The following PRDM15 variants were observed in gnomAD, a reference collection of about 807,000 sequenced individuals.
PRDM15 encodes PR domain zinc finger protein 15.
Under a neutral mutation model 128.6 loss-of-function variants are expected in PRDM15, and 64 were observed. The observed-to-expected ratio is 0.50, with a 90% CI of 0.41 to 0.61. The LOEUF (loss-of-function observed/expected upper bound fraction) is 0.61. PRDM15 is among the 20% of genes least tolerant of loss of function. PRDM15 has a pLI of 0.00. For synonymous variants in PRDM15, 615 were observed against 621.8 expected (o/e 0.99, Z 0.16); for missense variants, 1,242 against 1,569.1 (o/e 0.79, Z 3.52).
At chr21:41,852,472 TCC>T (rs1048665493) in intron 5 of PRDM15, among the ~76,000 whole-genome samples, 10 of 152,358 alleles carry the variant, frequency 6.6e-5, no homozygotes, top group Non-Finnish European at 1.3e-4. Context: ...CACAGGGGCC[TCC>T]CTTGTGCTGG....
chr21:41,847,247 A>C, intron 5 of PRDM15, 56 bp from the exon 6 acceptor site: 4 of 1,261,774 alleles, frequency 3.2e-6, no homozygotes, highest in Non-Finnish European at 4.4e-6. Flanking sequence ...ATATGTCTCC[A>C]TGAATCCCGG....
intron 5 of PRDM15, among the ~76,000 whole-genome samples, chr21:41,851,883 G>A (rs1194939057): frequency 1.3e-5 from 2 of 152,176 alleles, no homozygotes; most frequent in African/African-American, 4.8e-5. Context: ...GAGTAACTAA[G>A]TTGTTTATTT....
In PRDM15 at chr21:41,821,863, C is replaced by T. The variant is rs114944068; in HGVS notation, c.1896+40G>A. On this transcript the variant is annotated intron_variant, in intron 15 of 23. Transcript: ENST00000398548. The surrounding 1 kb of genome is among the most constrained non-coding windows in gnomAD (Gnocchi z 5.4). ...ACAGCCTTGAAACGACCACCTTCCT[C>T]TCCAGACCACCCAGGCACCGCGGGG... 5.8e-3 allele frequency: 9,274 copies of T among 1,611,408 alleles called. 401 individuals carry two copies. The African/African-American group carries it at 0.099, about 17-fold the overall frequency.
chr21:41,868,303 A>C (rs977552133), intron 1 of PRDM15, among the ~76,000 whole-genome samples: 6 of 152,252 alleles, frequency 3.9e-5, no homozygotes, highest in Admixed American at 2.0e-4. Context: ...GCAATCGTGT[A>C]CAGGTTTTTT....
At chr21:41,867,424 C>A in intron 1 of PRDM15, 1 of 1,373,776 alleles carries the variant, frequency 7.3e-7, no homozygotes, top group Non-Finnish European at 1.0e-6. Flanking sequence ...CACACTTCAG[C>A]AGAACAGGTG....
chr21:41,878,781 AACG>A (rs1284942916), intron 1 of PRDM15: 2 of 1,430,186 alleles, frequency 1.4e-6, no homozygotes, highest in Non-Finnish European at 1.8e-6. Context: ...GGCGGGGGAT[AACG>A]ACATCCCCTG....
intron 13 of PRDM15, 29 bp from the exon 14 acceptor site, chr21:41,823,478 G>C: frequency 1.3e-6 from 2 of 1,542,778 alleles, no homozygotes; most frequent in Middle Eastern, 1.8e-4. Flanking sequence ...ATGGTGAGGG[G>C]CTGCGGCGTC....
intron 4 of PRDM15, among the ~76,000 whole-genome samples, chr21:41,856,460 A>G (rs2063638431): frequency 6.6e-6 from 1 of 151,536 alleles, no homozygotes; most frequent in African/African-American, 2.4e-5. Flanking sequence ...AAGGGTCTCT[A>G]AGAAAAGTTT....
At chr21:41,830,424 AT>A in intron 11 of PRDM15, among the ~76,000 whole-genome samples, 2 of 151,642 alleles carry the variant, frequency 1.3e-5, no homozygotes, top group South Asian at 4.1e-4. Flanking sequence ...ACAATCACAT[AT>A]CACACACACC....
At chr21:41,834,397 CCT>C (rs1260896302) in intron 11 of PRDM15, 23 of 997,244 alleles carry the variant, frequency 2.3e-5, no homozygotes, top group Middle Eastern at 2.0e-4. Flanking sequence ...CTGCAGGTGC[CCT>C]GTTCTCAACA....
At chr21:41,849,652 C>T (rs1370820987) in intron 5 of PRDM15, among the ~76,000 whole-genome samples, 1 of 151,228 alleles carries the variant, frequency 6.6e-6, no homozygotes, top group African/African-American at 2.4e-5. Context: ...TTTTAAAATA[C>T]AGGGGCCAGT....
intron 6 of PRDM15, among the ~76,000 whole-genome samples, chr21:41,840,671 G>A (rs1050572675): frequency 6.6e-6 from 1 of 151,884 alleles, no homozygotes; most frequent in Non-Finnish European, 1.5e-5. Context: ...CCATCAGGGC[G>A]TCAGCAGACA....
In PRDM15 at chr21:41,857,278, C is replaced by G; in HGVS notation, c.183G>C (p.Glu61Asp). The G allele has an allele frequency of 6.2e-7, 1 of 1,613,970 alleles. No individual in the cohort carries two copies. Among genetic ancestry groups the G allele is most frequent in the East Asian group, 2.2e-5 (1 of 44,888 alleles). ...CGAGCTGAGTGATGGCGAACACCCC[C>G]TCGGCTCCATCTTCCAGTCGTCTGA... ...LEIRRLEDGA[E>D]GVFAITQLVK... Residue 61 changes from glutamate (E) to aspartate (D), a missense_variant, in exon 4 of 24, where the codon GAG (glutamate) becomes GAC (aspartate). By Grantham distance (45) the Glu-to-Asp change is conservative (BLOSUM62 2). Around this residue, in one of 3 missense-constraint regions of PRDM15, gnomAD observed 612 missense variants for 717.0 expected, o/e 0.85. Coordinates refer to ENST00000398548, the MANE Select transcript of PRDM15 (RefSeq NM_001040424.3).
intron 11 of PRDM15, among the ~76,000 whole-genome samples, chr21:41,835,043 T>C (rs1318269269): frequency 6.6e-6 from 1 of 152,182 alleles, no homozygotes; most frequent in Non-Finnish European, 1.5e-5. Flanking sequence ...GGAACAACCT[T>C]TGCAAGCAAG....
At position 41,831,784 on chromosome 21, in the gene PRDM15, A is replaced by T. The variant is rs1324624599; in HGVS notation, c.1367-3451T>A. 2.6e-4 allele frequency among the ~76,000 whole-genome samples: 39 copies of T among 152,300 alleles called. 1 individual carries two copies. Among genetic ancestry groups the T allele is most frequent in the Admixed American group, 6.5e-4 (10 of 15,296 alleles). On this transcript the variant is annotated intron_variant, in intron 11 of 23. Coordinates refer to ENST00000398548, the MANE Select transcript of PRDM15 (RefSeq NM_001040424.3). ...AGGACAGTGGGAGGTGGCCTCTGCC[A>T]GGGCTGAACACAGTAGAGGTGGCCC...
chr21:41,815,577 G>T, intron 19 of PRDM15, 128 bp downstream of exon 19: 1 of 1,318,456 alleles, frequency 7.6e-7, no homozygotes, highest in Admixed American at 2.3e-5. Context: ...GCTCTCTTGG[G>T]GAACCCGGCA....
intron 21 of PRDM15, among the ~76,000 whole-genome samples, chr21:41,806,476 C>CCATCA (rs2061645122): frequency 1.1e-4 from 9 of 81,188 alleles, no homozygotes; most frequent in Admixed American, 1.4e-4. Flanking sequence ...ACCAGCACCA[C>CCATCA]CCATTACTAC....
At chr21:41,869,430 T>A (rs115105813) in intron 1 of PRDM15, among the ~76,000 whole-genome samples, 2 of 147,858 alleles carry the variant, frequency 1.4e-5, no homozygotes, top group African/African-American at 4.9e-5. Flanking sequence ...CAGGCACACA[T>A]CACCGGCTAT....
intron 22 of PRDM15, among the ~76,000 whole-genome samples, chr21:41,803,844 TA>T (rs964942053): frequency 4.0e-5 from 6 of 151,212 alleles, no homozygotes; most frequent in Non-Finnish European, 4.4e-5. Context: ...CTCTTTGAAA[TA>T]AAAAAAAATT....
Sources: gnomAD v4.1 joint callset for allele counts (sites outside exome capture counted in the v4.1 genomes callset) on GRCh38, gnomAD v4.1.1 for gene constraint, gnomAD v4.1.1 regional missense constraint, Gnocchi (gnomAD v3.1) non-coding constraint, MANE v1.5 for transcripts, NCBI Gene and HGNC (gene_info 2026-07-23, HGNC 2026-07-21) for gene names.